LAMTOR5: variants seen among roughly 807,000 people sequenced by gnomAD.
The protein encoded by LAMTOR5 is ragulator complex protein LAMTOR5.
Under a neutral mutation model 12.1 loss-of-function variants are expected in LAMTOR5, and 8 were observed. That is an observed-to-expected ratio of 0.66 (90% CI 0.39 to 1.19). The LOEUF (loss-of-function observed/expected upper bound fraction) is 1.19, where lower values mean the gene tolerates loss of function less well. Ranked by LOEUF, LAMTOR5 falls within the 50% of genes most tolerant of loss-of-function variation. LAMTOR5 has a pLI of 0.01. For missense variants in LAMTOR5, 110 were observed against 112.8 expected, an observed-to-expected ratio of 0.97 and a Z score of 0.11; for synonymous variants, 37 against 41.9, an observed-to-expected ratio of 0.88 and a Z score of 0.45.
intron 2 of LAMTOR5, among the ~76,000 whole-genome samples, chr1:110,405,157 C>A (rs1025387036): frequency 6.8e-6 from 1 of 147,278 alleles, no homozygotes; most frequent in Non-Finnish European, 1.5e-5. Flanking sequence ...CTCTGTGTCT[C>A]AGTTTCTTTT....
chr1:110,406,533 T>A, intron 1 of LAMTOR5, 154 bp from the exon 2 acceptor site: 1 of 533,678 alleles, frequency 1.9e-6, no homozygotes, highest in Non-Finnish European at 3.2e-6. Context: ...AGAAAAAAAT[T>A]AAGTTCTAGG....
chr1:110,407,764 G>T (rs186400876), upstream of LAMTOR5: 316 of 1,614,188 alleles, frequency 2.0e-4, 2 homozygotes, highest in East Asian at 5.1e-3. Flanking sequence ...CAACGTCCGC[G>T]TTCTTTACTG....
At chr1:110,403,736 T>C (rs914257462) in intron 3 of LAMTOR5, 183 bp downstream of exon 3, 26 of 753,414 alleles carry the variant, frequency 3.5e-5, no homozygotes, top group Middle Eastern at 2.6e-4. Flanking sequence ...TTAAATAGCA[T>C]TGTGGCCTGA....
chr1:110,402,304 G>A (rs1028182968), intron 3 of LAMTOR5, among the ~76,000 whole-genome samples: 3 of 152,136 alleles, frequency 2.0e-5, no homozygotes, highest in Admixed American at 6.5e-5. Context: ...AGGCTGGAGG[G>A]CAGTGGCGTG....
intron 3 of LAMTOR5, among the ~76,000 whole-genome samples, chr1:110,403,088 G>T (rs1225784824): frequency 1.3e-5 from 2 of 152,192 alleles, no homozygotes; most frequent in African/African-American, 4.8e-5. Flanking sequence ...TACAGCCTAG[G>T]TGTGTAATAG....
chr1:110,401,528 A>G lies in LAMTOR5; in HGVS notation c.271T>C (p.Ser91Pro). 6.2e-7 allele frequency: 1 copy of G among 1,606,390 alleles called. No individual in the cohort carries two copies. Among genetic ancestry groups the G allele is most frequent in the Non-Finnish European group, 8.5e-7 (1 of 1,173,652 alleles). Reference protein sequence around the residue: ...GITVAVHKMAS With the variant: ...GITVAVHKMAP ...CTGAAGAACAGATATGAGCATCAAG[A>G]GGCCATTTTGTGCACTGCCACCGTG... The change falls in exon 4 of 4, where the codon TCT becomes CCT. Residue 91 changes from serine to proline, a missense_variant. Physicochemically the swap from Ser to Pro is moderately conservative, Grantham distance 74. Coordinates refer to ENST00000602318, the MANE Select transcript of LAMTOR5 (RefSeq NM_001382293.1).
In LAMTOR5 at chr1:110,403,232, T is replaced by C. The variant is rs75051239; in HGVS notation, c.215+687A>G. On this transcript the variant is annotated intron_variant, in intron 3 of 3. Coordinates refer to ENST00000602318, the MANE Select transcript of LAMTOR5 (RefSeq NM_001382293.1). Reference sequence around the variant, plus strand: ...TTTTCTTTTTACAAGGCTGTGATAGTAGCAGTTGTATATATATACTTTTTT... The same window carrying C: ...TTTTCTTTTTACAAGGCTGTGATAGCAGCAGTTGTATATATATACTTTTTT... Among the ~76,000 whole-genome samples the C allele has an allele frequency of 1.0e-3, 49 of 48,866 alleles. 1 individual carries two copies. The highest frequency in any genetic ancestry group is 6.1e-4 in the Non-Finnish European group (10 of 16,310). 32.1% of individuals were successfully genotyped at this position (48,866 alleles called of 152,430 possible). A position where few individuals can be genotyped will look rare whatever the true frequency, so the allele number is the denominator to read the frequency against.
chr1:110,404,921 G>A (rs1042927683), intron 2 of LAMTOR5, among the ~76,000 whole-genome samples: 6 of 151,638 alleles, frequency 4.0e-5, no homozygotes, highest in East Asian at 2.0e-4. Flanking sequence ...GGTGGCAGGC[G>A]CCTGTAATCC....
intron 1 of LAMTOR5, 40 bp downstream of exon 1, chr1:110,407,546 C>T: frequency 6.3e-7 from 1 of 1,595,738 alleles, no homozygotes; most frequent in African/African-American, 1.3e-5. Context: ...GTTCCTCCGC[C>T]GCGACCTCAG....
rs904008742 is a variant in LAMTOR5 at position 110,406,360 on chromosome 1, C to T, written c.55G>A (p.Val19Ile). The change falls in exon 2 of 4, where the codon GTT becomes ATT. Residue 19 changes from valine (V) to isoleucine (I), a missense_variant. Coordinates refer to ENST00000602318, the MANE Select transcript of LAMTOR5 (RefSeq NM_001382293.1). The stretch of plus-strand genomic sequence containing the variant: ...TGTGAATCTGTGCACAGGACTCCAA[C>T]AATGGAGGGATTCTTCATTCTAATT... ...LEDTMKNPSI[V>I]GVLCTDSQGL... 2 of 1,609,742 alleles carry T rather than the reference C, an allele frequency of 1.2e-6. No homozygotes were observed. Among genetic ancestry groups the T allele is most frequent in the East Asian group, 2.2e-5 (1 of 44,688 alleles).
chr1:110,407,794 C>G (rs766317458), upstream of LAMTOR5: 1 of 1,614,114 alleles, frequency 6.2e-7, no homozygotes, highest in Non-Finnish European at 8.5e-7. Context: ...ACTGCGCTTC[C>G]GTCGCACAGA....
At chr1:110,407,842 C>T (rs769153251), upstream of LAMTOR5, 7 of 1,613,836 alleles carry the variant, frequency 4.3e-6, no homozygotes, top group Non-Finnish European at 5.9e-6. Context: ...CGGTGACCGT[C>T]GAGGTGACCT....
chr1:110,404,175 T>A, intron 2 of LAMTOR5, 139 bp from the exon 3 acceptor site: 1 of 1,254,320 alleles, frequency 8.0e-7, no homozygotes, highest in Non-Finnish European at 1.0e-6. Flanking sequence ...TTATAGTAAC[T>A]AAATCTCGGG....
At chr1:110,406,479 C>A in intron 1 of LAMTOR5, 100 bp from the exon 2 acceptor site, 1 of 732,596 alleles carries the variant, frequency 1.4e-6, no homozygotes, top group Non-Finnish European at 2.2e-6. Flanking sequence ...GCATTAAGTG[C>A]TTTAAATCAA....
At chr1:110,402,501 C>G (rs1272294808) in intron 3 of LAMTOR5, among the ~76,000 whole-genome samples, 1 of 152,186 alleles carries the variant, frequency 6.6e-6, no homozygotes, top group Non-Finnish European at 1.5e-5. Flanking sequence ...CCGCCTTGGC[C>G]TCCCAAAGTG....
intron 2 of LAMTOR5, 69 bp downstream of exon 2, chr1:110,406,249 C>T: frequency 1.9e-6 from 2 of 1,037,610 alleles, no homozygotes; most frequent in Non-Finnish European, 1.4e-6. Flanking sequence ...AAAATAATAG[C>T]ACGCTAGGCT....
Position 110,407,289 on chromosome 1 carries a change from C to T in LAMTOR5, c.35+297G>A. Reference sequence around the variant, plus strand: ...GTCAACCCGTTTTCTAAAACTTCCGCAGAACCACCCTGACCGTAAAGACGA... The same window carrying T: ...GTCAACCCGTTTTCTAAAACTTCCGTAGAACCACCCTGACCGTAAAGACGA... On this transcript the variant is annotated intron_variant, in intron 1 of 3. Transcript: ENST00000602318. The T allele has an allele frequency of 5.2e-6, 3 of 580,278 alleles. No homozygotes were observed. In the South Asian group the frequency reaches 6.8e-5, roughly 13 times the overall value. The allele number at this position is 580,278 out of a possible 1,614,324, so 35.9% of individuals were successfully genotyped here.
At position 110,403,999 on chromosome 1, in the gene LAMTOR5, T is replaced by C. The variant is rs1278856587; in HGVS notation, c.135A>G (p.Ile45Met). The change falls in exon 3 of 4, where the codon ATA (isoleucine) becomes ATG (methionine). Residue 45 changes from isoleucine to methionine, a missense_variant. Coordinates refer to ENST00000602318, the MANE Select transcript of LAMTOR5 (RefSeq NM_001382293.1). ...TAGCTGCTTGCTGGGCTAGAACAGATATCACTCCAGCATGCTCATCTGACA... is the reference window on the plus strand; with the variant it reads ...TAGCTGCTTGCTGGGCTAGAACAGACATCACTCCAGCATGCTCATCTGACA... ...GTLSDEHAGV[I>M]SVLAQQAAKL... 8 of 1,614,210 alleles carry C rather than the reference T, an allele frequency of 5.0e-6. No individual in the cohort carries two copies. In the African/African-American group the frequency reaches 8.0e-5, roughly 16 times the overall value.
chr1:110,404,184 G>T, intron 2 of LAMTOR5, 148 bp from the exon 3 acceptor site: 1 of 1,197,708 alleles, frequency 8.3e-7, no homozygotes. Flanking sequence ...CTAAATCTCG[G>T]GTACAAAAGT....
Sources: allele counts gnomAD v4.1 joint callset (sites outside exome capture counted in the v4.1 genomes callset), GRCh38; gene constraint gnomAD v4.1.1; transcripts MANE v1.5; gene names NCBI Gene and HGNC (gene_info 2026-07-23, HGNC 2026-07-21).